The following GUCY1A2 variants were observed in gnomAD, a reference collection of about 807,000 sequenced individuals.
GUCY1A2 encodes guanylate cyclase 1 soluble subunit alpha 2.
A neutral mutation model predicts 63.5 loss-of-function variants in GUCY1A2; 27 were observed. That is an observed-to-expected ratio of 0.43 (90% CI 0.31 to 0.59). The LOEUF (loss-of-function observed/expected upper bound fraction) is 0.59, where lower values mean the gene tolerates loss of function less well. Among genes scored for constraint, GUCY1A2 ranks in the 20% least tolerant of loss-of-function variants. GUCY1A2 has a pLI of 0.11. For synonymous variants in GUCY1A2, 364 were observed against 343.5 expected (o/e 1.06, Z -0.66); for missense variants, 768 against 913.3 (o/e 0.84, Z 2.05).
chr11:106,945,793 T>A (rs1434108866), intron 3 of GUCY1A2, among the ~76,000 whole-genome samples: 1 of 152,118 alleles, frequency 6.6e-6, no homozygotes, highest in African/African-American at 2.4e-5. Flanking sequence ...GGAGAAACCC[T>A]GTCTCTACTA....
intron 4 of GUCY1A2, among the ~76,000 whole-genome samples, chr11:106,889,308 A>G (rs1222656439): frequency 6.6e-6 from 1 of 152,212 alleles, no homozygotes; most frequent in Non-Finnish European, 1.5e-5. Context: ...AAGTGCCCAG[A>G]AAAGTTGTGG....
At chr11:106,755,974 G>A (rs913144547) in intron 6 of GUCY1A2, among the ~76,000 whole-genome samples, 1 of 152,164 alleles carries the variant, frequency 6.6e-6, no homozygotes, top group African/African-American at 2.4e-5. Flanking sequence ...ACTAATGTGT[G>A]GGAGTCTAAG....
Position 106,698,284 on chromosome 11 carries a change from A to C in GUCY1A2, c.1991+10228T>G, listed in dbSNP as rs74438799. 2.1e-5 allele frequency among the ~76,000 whole-genome samples: 3 copies of C among 142,312 alleles called. No individual in the cohort carries two copies. The South Asian group carries it at 6.7e-4, about 32-fold the overall frequency. The allele number at this position is 142,312 out of a possible 152,430, so 93.4% of individuals were successfully genotyped here. On this transcript the variant is annotated intron_variant, in intron 7 of 7. Coordinates refer to ENST00000526355, the MANE Select transcript of GUCY1A2 (RefSeq NM_000855.3). ...TTAGGCACATGCACCATGTCTGGGG[A>C]TTTTTTTTTTTTAATTTTAGTAGAG...
intron 1 of GUCY1A2, among the ~76,000 whole-genome samples, chr11:106,993,380 T>C (rs1414403480): frequency 6.6e-6 from 1 of 152,212 alleles, no homozygotes; most frequent in African/African-American, 2.4e-5. Context: ...ACTGACTTTA[T>C]CACTAAAACT....
chr11:106,750,130 G>A (rs1372074153), intron 6 of GUCY1A2, among the ~76,000 whole-genome samples: 1 of 152,034 alleles, frequency 6.6e-6, no homozygotes. Flanking sequence ...GACAGCCCTG[G>A]GGAAGCCACT....
At chr11:106,909,752 C>G (rs1003670563) in intron 4 of GUCY1A2, among the ~76,000 whole-genome samples, 3 of 151,826 alleles carry the variant, frequency 2.0e-5, no homozygotes, top group Non-Finnish European at 2.9e-5. Flanking sequence ...AACCATTTAC[C>G]CAGTTAAGGA....
At chr11:106,985,278 C>T (rs552787297) in intron 2 of GUCY1A2, among the ~76,000 whole-genome samples, 23 of 152,314 alleles carry the variant, frequency 1.5e-4, no homozygotes, top group Admixed American at 3.9e-4. Context: ...AAAATATATA[C>T]ATTGCCTCTA....
Position 106,916,409 on chromosome 11 carries a change from G to A in GUCY1A2, c.1206+23051C>T, listed in dbSNP as rs61902987. Among the ~76,000 whole-genome samples, 459 of 145,324 alleles carry A rather than the reference G, an allele frequency of 3.2e-3. 59 individuals are homozygous for A. Among genetic ancestry groups the A allele is most frequent in the Non-Finnish European group, 5.2e-3 (338 of 64,628 alleles). ...TGATAAAATCATACCTATCTCATTT[G>A]GTTGTTGAGAGTATTAAATATAAGT... On this transcript the variant is annotated intron_variant, in intron 4 of 7. Transcript: ENST00000526355.
chr11:106,737,661 T>C (rs1863615224), intron 6 of GUCY1A2, among the ~76,000 whole-genome samples: 1 of 152,154 alleles, frequency 6.6e-6, no homozygotes, highest in Non-Finnish European at 1.5e-5. Context: ...TGGTTTTCTG[T>C]TCTTGTGTTA....
rs753943460 is a variant in GUCY1A2, at chr11:106,687,507, G to A, written c.*42C>T. 6.9e-7 allele frequency: 1 copy of A among 1,443,588 alleles called. No homozygotes were observed. 89.4% of individuals were successfully genotyped at this position (1,443,588 alleles called of 1,614,324 possible). On this transcript the variant is annotated 3_prime_UTR_variant, in exon 8 of 8. Coordinates refer to ENST00000526355, the MANE Select transcript of GUCY1A2 (RefSeq NM_000855.3). ...ACCCCCCATTGGTGACCCATGTTCT[G>A]GGCTTGTGCTTTTTGGAGGAGTCTT... is the stretch of plus-strand genomic sequence containing the variant.
intron 1 of GUCY1A2, among the ~76,000 whole-genome samples, chr11:107,010,557 A>G (rs1861729273): frequency 6.6e-6 from 1 of 152,186 alleles, no homozygotes; most frequent in Non-Finnish European, 1.5e-5. Flanking sequence ...AGCAGGTGTA[A>G]GCAAAATTCA....
intron 3 of GUCY1A2, among the ~76,000 whole-genome samples, chr11:106,975,871 C>G (rs1861255378): frequency 6.6e-6 from 1 of 152,130 alleles, no homozygotes; most frequent in Non-Finnish European, 1.5e-5. Flanking sequence ...CTCACTTTCT[C>G]CCTCTCCTCA....
intron 3 of GUCY1A2, among the ~76,000 whole-genome samples, chr11:106,961,750 G>T (rs910829447): frequency 2.0e-5 from 3 of 152,194 alleles, no homozygotes; most frequent in Non-Finnish European, 4.4e-5. Context: ...CTAGCTTGCA[G>T]AAGAATGTCA....
At chr11:106,751,838 TAAAG>T in intron 6 of GUCY1A2, among the ~76,000 whole-genome samples, 1 of 152,150 alleles carries the variant, frequency 6.6e-6, no homozygotes, top group East Asian at 1.9e-4. Flanking sequence ...GAAAAATGAA[TAAAG>T]AATTAACAAA....
chr11:106,937,150 T>G (rs1036665560), intron 4 of GUCY1A2, among the ~76,000 whole-genome samples: 1 of 152,148 alleles, frequency 6.6e-6, no homozygotes, highest in Non-Finnish European at 1.5e-5. Flanking sequence ...CTCAGGTGAG[T>G]AAGCAGAAAT....
At chr11:106,754,087 A>T (rs1863931294) in intron 6 of GUCY1A2, among the ~76,000 whole-genome samples, 1 of 151,674 alleles carries the variant, frequency 6.6e-6, no homozygotes, top group Non-Finnish European at 1.5e-5. Context: ...TGAAAGTTGG[A>T]TTCCCAGGTA....
chr11:106,816,665 T>A (rs1257594110), intron 4 of GUCY1A2, among the ~76,000 whole-genome samples: 2 of 150,028 alleles, frequency 1.3e-5, no homozygotes, highest in African/African-American at 2.4e-5. Flanking sequence ...CAAAAAAAAA[T>A]GGTTTCTTTG....
At chr11:106,964,840 C>T (rs555797587) in intron 3 of GUCY1A2, among the ~76,000 whole-genome samples, 119 of 152,038 alleles carry the variant, frequency 7.8e-4, no homozygotes, top group Non-Finnish European at 1.1e-3. Flanking sequence ...ATTAGCTGGG[C>T]GTGGTGGCGG....
chr11:106,993,407 T>C (rs1271097285), intron 1 of GUCY1A2, among the ~76,000 whole-genome samples: 7 of 152,204 alleles, frequency 4.6e-5, no homozygotes, highest in East Asian at 3.8e-4. Flanking sequence ...AATAATGTCA[T>C]TTCAAACAAC....
Sources: gnomAD v4.1 joint callset for allele counts (sites outside exome capture counted in the v4.1 genomes callset) on GRCh38, gnomAD v4.1.1 for gene constraint, MANE v1.5 for transcripts, NCBI Gene and HGNC (gene_info 2026-07-23, HGNC 2026-07-21) for gene names.